RANBP17: variants seen among roughly 807,000 people sequenced by gnomAD.
The protein encoded by RANBP17 is ran-binding protein 17.
In RANBP17, 158 loss-of-function variants were observed where a neutral mutation model predicts 141.2. The ratio of observed to expected loss-of-function variants is 1.12; its 90% confidence interval spans 0.98 to 1.28. The LOEUF (loss-of-function observed/expected upper bound fraction) is 1.28. Among genes scored for constraint, RANBP17 ranks in the 50% most tolerant of loss-of-function variants. RANBP17 has a pLI of 0.00. For missense variants in RANBP17, 1,438 were observed against 1,290.7 expected, an observed-to-expected ratio of 1.11 and a Z score of -1.75; for synonymous variants, 430 against 450.0, an observed-to-expected ratio of 0.96 and a Z score of 0.56.
At chr5:171,242,954 T>C in intron 24 of RANBP17, 134 bp downstream of exon 24, 4 of 801,294 alleles carry the variant, frequency 5.0e-6, no homozygotes, top group Admixed American at 2.4e-5. Flanking sequence ...TTATAATTAT[T>C]ACTTGCAAGT....
intron 14 of RANBP17, among the ~76,000 whole-genome samples, chr5:171,057,942 T>G (rs976056895): frequency 3.3e-5 from 5 of 152,054 alleles, no homozygotes; most frequent in Non-Finnish European, 7.4e-5. Context: ...GAGATTTGGG[T>G]GGGGACACAG....
intron 3 of RANBP17, among the ~76,000 whole-genome samples, chr5:170,891,952 T>C (rs1331943847): frequency 1.3e-5 from 2 of 152,146 alleles, no homozygotes; most frequent in African/African-American, 4.8e-5. Flanking sequence ...TTCCCTAATA[T>C]ATCAAATGCA....
At chr5:171,038,203 C>A (rs765123107) in intron 14 of RANBP17, among the ~76,000 whole-genome samples, 1 of 145,484 alleles carries the variant, frequency 6.9e-6, no homozygotes, top group Admixed American at 6.9e-5. Context: ...TGTGCACGTG[C>A]ACAGCAATTA....
chr5:171,052,971 G>C (rs1285787259), intron 14 of RANBP17, among the ~76,000 whole-genome samples: 2 of 28,208 alleles, frequency 7.1e-5, no homozygotes, highest in Non-Finnish European at 2.0e-4. Context: ...TCCTGCCTCA[G>C]CCTCCCAAGT....
intron 11 of RANBP17, among the ~76,000 whole-genome samples, chr5:170,920,940 TG>T (rs1772400652): frequency 6.6e-6 from 1 of 152,188 alleles, no homozygotes; most frequent in African/African-American, 2.4e-5. Flanking sequence ...TTGATGGGGT[TG>T]TTTTTTTCTT....
chr5:170,887,432 T>G (rs1255300653), intron 3 of RANBP17, among the ~76,000 whole-genome samples: 1 of 152,216 alleles, frequency 6.6e-6, no homozygotes. Context: ...GTTTTACACT[T>G]AGGTCTGTGA....
intron 5 of RANBP17, among the ~76,000 whole-genome samples, chr5:170,903,389 T>C (rs1442864985): frequency 2.0e-5 from 3 of 152,096 alleles, no homozygotes; most frequent in Non-Finnish European, 4.4e-5. Context: ...GCAGCAAGAG[T>C]TTAAAGCCAG....
chr5:170,904,741 C>A (rs1163214843), intron 5 of RANBP17, among the ~76,000 whole-genome samples: 1 of 152,060 alleles, frequency 6.6e-6, no homozygotes, highest in South Asian at 2.1e-4. Context: ...GTATTTATAA[C>A]CTCATATTTA....
At chr5:171,094,246 G>C (rs908466648) in intron 14 of RANBP17, among the ~76,000 whole-genome samples, 1 of 152,132 alleles carries the variant, frequency 6.6e-6, no homozygotes, top group Admixed American at 6.6e-5. Flanking sequence ...CAGCCAACTA[G>C]TGTGTGTTTT....
intron 14 of RANBP17, among the ~76,000 whole-genome samples, chr5:171,034,892 C>T (rs770045069): frequency 3.3e-5 from 5 of 152,066 alleles, no homozygotes; most frequent in Admixed American, 1.3e-4. Flanking sequence ...TCATGGCTCA[C>T]GGCTCCTGGC....
At position 171,153,363 on chromosome 5, in the gene RANBP17, G is replaced by A. The variant is rs555997353; in HGVS notation, c.1711-16767G>A. Among the ~76,000 whole-genome samples the A allele has an allele frequency of 1.3e-4, 20 of 152,238 alleles. No individual in the cohort carries two copies. The South Asian group carries it at 2.1e-3, about 16-fold the overall frequency. The stretch of plus-strand genomic sequence containing the variant: ...AATGTTATTTTTGGCTAGATTAGTG[G>A]CACTCTTTTTTTTGTTTCATTTATT... On this transcript the variant is annotated intron_variant, in intron 14 of 27. Transcript: ENST00000523189.
intron 22 of RANBP17, among the ~76,000 whole-genome samples, chr5:171,226,381 T>C (rs893851952): frequency 2.0e-5 from 3 of 152,208 alleles, no homozygotes; most frequent in Admixed American, 2.0e-4. Context: ...CTTCATTCTT[T>C]CCTTAGGTAC....
chr5:171,081,050 A>G (rs1486819148), intron 14 of RANBP17, among the ~76,000 whole-genome samples: 6 of 152,174 alleles, frequency 3.9e-5, no homozygotes, highest in Admixed American at 6.5e-5. Flanking sequence ...ATAGATGACA[A>G]AATTGGAGCC....
intron 19 of RANBP17, among the ~76,000 whole-genome samples, chr5:171,202,354 A>G (rs1246329788): frequency 1.3e-5 from 2 of 152,192 alleles, no homozygotes; most frequent in African/African-American, 4.8e-5. Context: ...TGACTCGTGC[A>G]TCGTTTTTGA....
At chr5:171,150,195 CTT>C (rs1276937173) in intron 14 of RANBP17, among the ~76,000 whole-genome samples, 1 of 151,752 alleles carries the variant, frequency 6.6e-6, no homozygotes, top group African/African-American at 2.4e-5. Context: ...TCTTTAAAAA[CTT>C]TGTGTTTTTA....
At chr5:171,003,583 C>A (rs973242331) in intron 14 of RANBP17, among the ~76,000 whole-genome samples, 3 of 152,058 alleles carry the variant, frequency 2.0e-5, no homozygotes, top group African/African-American at 7.3e-5. Flanking sequence ...TACCCCATAT[C>A]CCTTGGAGAA....
intron 14 of RANBP17, among the ~76,000 whole-genome samples, chr5:171,142,980 T>A (rs1424869611): frequency 5.9e-5 from 9 of 152,368 alleles, no homozygotes; most frequent in African/African-American, 2.2e-4. Context: ...AAAAGATTAA[T>A]AAACAGTTTG....
At chr5:170,964,116 T>TA (rs1776347784) in intron 13 of RANBP17, among the ~76,000 whole-genome samples, 1 of 152,132 alleles carries the variant, frequency 6.6e-6, no homozygotes, top group Admixed American at 6.5e-5. Context: ...TAGACACTCT[T>TA]ATGGAGTGAT....
At chr5:171,225,210 C>A (rs1324549128) in intron 22 of RANBP17, among the ~76,000 whole-genome samples, 1 of 152,152 alleles carries the variant, frequency 6.6e-6, no homozygotes, top group Non-Finnish European at 1.5e-5. Flanking sequence ...AAGATTTTAC[C>A]ATGGATATTT....
Sources: allele counts gnomAD v4.1 joint callset (sites outside exome capture counted in the v4.1 genomes callset), GRCh38; gene constraint gnomAD v4.1.1; transcripts MANE v1.5; gene names NCBI Gene and HGNC (gene_info 2026-07-23, HGNC 2026-07-21).